GON4L: variants seen among roughly 807,000 people sequenced by gnomAD.
GON4L encodes the protein gon-4 like, also known as GON-4-like protein.
In GON4L, 87 loss-of-function variants were observed where a neutral mutation model predicts 211.8. The observed-to-expected ratio is 0.41, with a 90% CI of 0.35 to 0.49. The LOEUF is 0.49. Ranked by LOEUF, GON4L falls within the 20% of genes least tolerant of loss-of-function variation. The pLI is 0.15. For synonymous variants in GON4L, 875 were observed against 962.6 expected, an observed-to-expected ratio of 0.91 and a Z score of 1.68; for missense variants, 2,155 against 2,659.5, an observed-to-expected ratio of 0.81 and a Z score of 4.17.
intron 12 of GON4L, among the ~76,000 whole-genome samples, chr1:155,792,602 G>A (rs1217645961): frequency 1.3e-5 from 2 of 152,172 alleles, no homozygotes; most frequent in Non-Finnish European, 2.9e-5. Context: ...TAACGAAGGA[G>A]GATCTCCCTG....
At chr1:155,774,900 G>T (rs975392727) in intron 17 of GON4L, 102 bp downstream of exon 17, 12 of 1,415,992 alleles carry the variant, frequency 8.5e-6, no homozygotes, top group East Asian at 6.9e-5. Context: ...AATGTCCTGT[G>T]TCCTCCATTC....
chr1:155,788,831 C>T (rs1206905609), intron 12 of GON4L, among the ~76,000 whole-genome samples: 2 of 152,192 alleles, frequency 1.3e-5, no homozygotes, highest in African/African-American at 4.8e-5. Flanking sequence ...TGGCTCACGC[C>T]TGTAATCCCA....
chr1:155,760,317 T>C (rs1661658472), intron 24 of GON4L, 127 bp downstream of exon 24: 2 of 586,150 alleles, frequency 3.4e-6, no homozygotes, highest in Admixed American at 3.1e-5. Context: ...TTTATCACTC[T>C]GGGCTAGGGG....
chr1:155,856,286 G>A (rs1314408379), intron 1 of GON4L, among the ~76,000 whole-genome samples: 1 of 152,120 alleles, frequency 6.6e-6, no homozygotes, highest in Non-Finnish European at 1.5e-5. Flanking sequence ...GGAGTGCAGT[G>A]GCAAGATCCT....
chr1:155,777,962 T>C lies in GON4L; in HGVS notation c.1893-142A>G, dbSNP rs1318109931. ...ATCTCACTTTAGCCAACAGTCAAAC[T>C]CTCAGCCTTTTACAAATCTTTTGCC... On this transcript the variant is annotated intron_variant, in intron 14 of 31. Coordinates refer to ENST00000368331, the MANE Select transcript of GON4L (RefSeq NM_001282860.2). 7.1e-6 allele frequency: 5 copies of C among 701,784 alleles called. No homozygotes were observed. In the African/African-American group the frequency reaches 8.7e-5, roughly 12 times the overall value. The allele number at this position is 701,784 out of a possible 1,614,324, so 43.5% of individuals were successfully genotyped here. A position where few individuals can be genotyped will look rare whatever the true frequency, so the allele number is the denominator to read the frequency against.
chr1:155,849,143 C>CAAA (rs764161223), intron 2 of GON4L, among the ~76,000 whole-genome samples: 13 of 120,084 alleles, frequency 1.1e-4, no homozygotes, highest in African/African-American at 1.4e-4. Context: ...GACTCCATCT[C>CAAA]AAAAAAAAAA....
At chr1:155,819,177 C>A (rs1276593835) in intron 6 of GON4L, among the ~76,000 whole-genome samples, 1 of 151,710 alleles carries the variant, frequency 6.6e-6, no homozygotes, top group Non-Finnish European at 1.5e-5. Context: ...GTGGCACGCA[C>A]CTGTAATCCC....
Position 155,757,328 on chromosome 1 carries a change from G to A in GON4L, c.5254-5C>T. The A allele has an allele frequency of 3.7e-6, 6 of 1,613,028 alleles. No individual in the cohort carries two copies. Among genetic ancestry groups the A allele is most frequent in the Non-Finnish European group, 5.1e-6 (6 of 1,179,562 alleles). On this transcript the variant is annotated splice_polypyrimidine_tract_variant and splice_region_variant and intron_variant, in intron 25 of 31. Coordinates refer to ENST00000368331, the MANE Select transcript of GON4L (RefSeq NM_001282860.2). ...CTGCCACATCTGTGTCTTGAGCTGA[G>A]GAGAGTCACAGAGGGAAAGAGGAAG... is the stretch of plus-strand genomic sequence containing the variant.
chr1:155,858,201 C>T (rs967698611), upstream of GON4L, among the ~76,000 whole-genome samples: 2 of 152,074 alleles, frequency 1.3e-5, no homozygotes, highest in African/African-American at 4.8e-5. Flanking sequence ...TGAATGACTT[C>T]TAAAATGATG....
chr1:155,796,255 G>A (rs1666054846), intron 11 of GON4L, among the ~76,000 whole-genome samples: 1 of 150,912 alleles, frequency 6.6e-6, no homozygotes, highest in Non-Finnish European at 1.5e-5. Context: ...AAATATGGAT[G>A]TTCTTCTCCC....
At chr1:155,850,092 A>G (rs757090265) in intron 2 of GON4L, among the ~76,000 whole-genome samples, 6 of 151,964 alleles carry the variant, frequency 3.9e-5, no homozygotes, top group Non-Finnish European at 7.4e-5. Context: ...AGAACTCAAA[A>G]AGACTGAGGC....
In GON4L at chr1:155,825,525, T is replaced by C. The variant is rs147761272; in HGVS notation, c.697+1312A>G. Among the ~76,000 whole-genome samples, 243 of 150,626 alleles carry C rather than the reference T, an allele frequency of 1.6e-3. 1 individual carries two copies. The highest frequency in any genetic ancestry group is 4.8e-3 in the African/African-American group (195 of 41,004). Reference sequence around the variant, plus strand: ...AGGCAGACACTGCAGTGAGCCGAGATTGCGCTACTGCACTCCAGTCTGGGT... The same window carrying C: ...AGGCAGACACTGCAGTGAGCCGAGACTGCGCTACTGCACTCCAGTCTGGGT... On this transcript the variant is annotated intron_variant, in intron 3 of 31. Transcript: ENST00000368331.
intron 3 of GON4L, 105 bp from the exon 4 acceptor site, chr1:155,822,581 G>T: frequency 1.2e-6 from 1 of 826,358 alleles, no homozygotes; most frequent in Non-Finnish European, 2.1e-6. Flanking sequence ...GCATTATGCT[G>T]TGAAAGAAAC....
Position 155,826,726 on chromosome 1 carries a change from A to G in GON4L, c.697+111T>C, listed in dbSNP as rs1386610395. 5 of 751,752 alleles carry G rather than the reference A, an allele frequency of 6.7e-6. No homozygotes were observed. In the East Asian group the frequency reaches 1.1e-4, roughly 16 times the overall value. The allele number at this position is 751,752 out of a possible 1,614,324, so 46.6% of individuals were successfully genotyped here. A position where few individuals can be genotyped will look rare whatever the true frequency, so the allele number is the denominator to read the frequency against. ...TGGGTCCTGCTTACAAGGGTGTATTAAATTTGTAAAAATATAGTGAATTCA... is the reference window on the plus strand; with the variant it reads ...TGGGTCCTGCTTACAAGGGTGTATTGAATTTGTAAAAATATAGTGAATTCA... On this transcript the variant is annotated intron_variant, in intron 3 of 31. Transcript: ENST00000368331.
At chr1:155,818,418 A>G (rs1668451465) in intron 6 of GON4L, among the ~76,000 whole-genome samples, 1 of 152,146 alleles carries the variant, frequency 6.6e-6, no homozygotes, top group Non-Finnish European at 1.5e-5. Flanking sequence ...AGCCATGTTA[A>G]TTATATTCTA....
At chr1:155,773,945 A>T (rs1181275796) in intron 17 of GON4L, among the ~76,000 whole-genome samples, 1 of 152,220 alleles carries the variant, frequency 6.6e-6, no homozygotes, top group African/African-American at 2.4e-5. Flanking sequence ...TATAGCTGTT[A>T]AAGCAGTTTG....
At chr1:155,760,665 T>C (rs1481470161) in intron 23 of GON4L, 24 bp from the exon 24 acceptor site, 2 of 1,518,494 alleles carry the variant, frequency 1.3e-6, no homozygotes, top group African/African-American at 1.4e-5. Context: ...CTTTCAATCA[T>C]CAACACCCTT....
In GON4L at chr1:155,821,498, A is replaced by T. The variant is rs1163740526; in HGVS notation, c.939T>A (p.Ser313Arg). ...HVVAMMKAAI[S>R]ETEDMPMFEP... is the part of the protein sequence containing the mutation. ...CAAACATTGGCATATCTTCCGTCTCACTGATGGCTGCTTTCATCATAGCTA... is the reference window on the plus strand; with the variant it reads ...CAAACATTGGCATATCTTCCGTCTCTCTGATGGCTGCTTTCATCATAGCTA... Residue 313 changes from serine (S) to arginine (R), a missense_variant, in exon 5 of 32, where the codon AGT (serine) becomes AGA (arginine). This residue lies in a region of GON4L where 551 missense variants were observed against 854.0 expected (regional missense o/e 0.65). Transcript: ENST00000368331. 6.9e-6 allele frequency: 11 copies of T among 1,602,138 alleles called. No homozygotes were observed. Among genetic ancestry groups the T allele is most frequent in the Non-Finnish European group, 9.4e-6 (11 of 1,169,314 alleles).
At chr1:155,776,741 C>T (rs1487847659) in intron 15 of GON4L, among the ~76,000 whole-genome samples, 1 of 151,872 alleles carries the variant, frequency 6.6e-6, no homozygotes, top group Non-Finnish European at 1.5e-5. Flanking sequence ...TTTGCAGAGA[C>T]AGGGTCTCAC....
Sources: gnomAD v4.1 joint callset for allele counts (sites outside exome capture counted in the v4.1 genomes callset) on GRCh38, gnomAD v4.1.1 for gene constraint, gnomAD v4.1.1 regional missense constraint, MANE v1.5 for transcripts, NCBI Gene and HGNC (gene_info 2026-07-23, HGNC 2026-07-21) for gene names.